The following ANKRD10 variants were observed in gnomAD, a reference collection of about 807,000 sequenced individuals.
ANKRD10 encodes the protein ankyrin repeat domain 10.
In ANKRD10, 14 loss-of-function variants were observed where a neutral mutation model predicts 27.0. That is an observed-to-expected ratio of 0.52 (90% confidence interval 0.34 to 0.81). The LOEUF (loss-of-function observed/expected upper bound fraction) is 0.81. Among genes scored for constraint, ANKRD10 ranks in the 40% least tolerant of loss-of-function variants. The probability of loss-of-function intolerance (pLI) is 0.01; values close to 1 mark genes in which losing one functional copy is unlikely to be tolerated. For synonymous variants in ANKRD10, 250 were observed against 224.5 expected, an observed-to-expected ratio of 1.11 and a Z score of -1.01; for missense variants, 493 against 544.0, an observed-to-expected ratio of 0.91 and a Z score of 0.93.
intron 3 of ANKRD10, among the ~76,000 whole-genome samples, chr13:110,900,259 G>A (rs750922149): frequency 5.3e-5 from 8 of 152,118 alleles, no homozygotes; most frequent in Admixed American, 3.9e-4. Flanking sequence ...GAAAAACCAC[G>A]GATCAGGAAA....
intron 3 of ANKRD10, chr13:110,894,283 A>T: frequency 1.1e-6 from 1 of 883,224 alleles, no homozygotes; most frequent in Non-Finnish European, 1.9e-6. Flanking sequence ...CAGCTTCCAT[A>T]CCTGTTCAGC....
chr13:110,896,089 A>G (rs1367976413), intron 3 of ANKRD10, among the ~76,000 whole-genome samples: 2 of 152,196 alleles, frequency 1.3e-5, no homozygotes, highest in Non-Finnish European at 2.9e-5. Context: ...CTAGCATCTC[A>G]CATAATTTTG....
At chr13:110,908,733 G>C (rs1009805626) in intron 2 of ANKRD10, among the ~76,000 whole-genome samples, 3 of 152,184 alleles carry the variant, frequency 2.0e-5, no homozygotes, top group Admixed American at 6.5e-5. Context: ...CCCATAACAA[G>C]AGGTGTTGAA....
intron 1 of ANKRD10, 37 bp from the exon 2 acceptor site, chr13:110,910,807 A>C: frequency 6.3e-7 from 1 of 1,592,654 alleles, no homozygotes; most frequent in Non-Finnish European, 8.6e-7. Flanking sequence ...ACACGCAGAC[A>C]TGTCAGTACA....
intron 3 of ANKRD10, chr13:110,894,403 C>CAAAAAAAAAAAAAAAAAAAAAA (rs5806877): frequency 1.6e-5 from 1 of 62,682 alleles, no homozygotes; most frequent in African/African-American, 6.2e-5. Context: ...ACTGTTAATG[C>CAAAAAAAAAAAAAAAAAAAAAA]AAAAAAAAAA....
At chr13:110,893,890 T>C (rs192297787) in intron 3 of ANKRD10, among the ~76,000 whole-genome samples, 1 of 152,358 alleles carries the variant, frequency 6.6e-6, no homozygotes, top group African/African-American at 2.4e-5. Flanking sequence ...TTTTTGGCAT[T>C]GTAGAGCATT....
chr13:110,912,297 T>C (rs914937945), intron 1 of ANKRD10, among the ~76,000 whole-genome samples: 7 of 152,250 alleles, frequency 4.6e-5, no homozygotes, highest in African/African-American at 1.7e-4. Context: ...GGTTTCTTTT[T>C]CCATTTCTCT....
chr13:110,900,682 T>C, intron 3 of ANKRD10: 1 of 1,351,522 alleles, frequency 7.4e-7, no homozygotes, highest in Non-Finnish European at 9.8e-7. Flanking sequence ...TCAAGTCAAT[T>C]CGAATTACGT....
intron 3 of ANKRD10, among the ~76,000 whole-genome samples, chr13:110,897,332 C>G (rs1304776095): frequency 1.4e-5 from 2 of 140,022 alleles, no homozygotes; most frequent in African/African-American, 5.4e-5. Context: ...AGATGTTGCT[C>G]AGGCTGGTCT....
In ANKRD10 at chr13:110,879,827, A is replaced by G. The variant is rs138231230; in HGVS notation, c.1073T>C (p.Ile358Thr). 157 of 1,614,132 alleles carry G rather than the reference A, an allele frequency of 9.7e-5. No individual in the cohort carries two copies. The highest frequency in any genetic ancestry group is 1.2e-4 in the Non-Finnish European group (145 of 1,180,054). The change falls in exon 6 of 6, where the codon ATA (isoleucine) becomes ACA (threonine). Residue 358 changes from isoleucine to threonine, a missense_variant. Transcript: ENST00000267339. ...TTCCACCCAGGAAGGCCTACTGGCT[A>G]TGCAGCTACTTGGACTCCCGTTCAG... ...LHLNGSPSSC[I>T]ASRPSWVEDI...
chr13:110,882,630 T>A (rs2064841124), intron 5 of ANKRD10, among the ~76,000 whole-genome samples: 1 of 152,246 alleles, frequency 6.6e-6, no homozygotes, highest in African/African-American at 2.4e-5. Flanking sequence ...AGTTTTGTTA[T>A]GGATCTTTAG....
intron 3 of ANKRD10, among the ~76,000 whole-genome samples, chr13:110,895,798 T>C (rs993555516): frequency 4.6e-5 from 7 of 152,100 alleles, no homozygotes; most frequent in Non-Finnish European, 1.0e-4. Context: ...ATCAACAAAA[T>C]AGTGCCAACA....
chr13:110,915,024 G>C lies in ANKRD10; in HGVS notation c.-90C>G. The stretch of plus-strand genomic sequence containing the variant: ...CCGCCGCCGCAGCACAAAGGAACGA[G>C]ACTAGCGCCGCGGTCGCGTCCCACA... On this transcript the variant is annotated 5_prime_UTR_variant, in exon 1 of 6. Transcript: ENST00000267339. The C allele has an allele frequency of 6.9e-7, 1 of 1,448,202 alleles. No homozygotes were observed. The highest frequency in any genetic ancestry group is 9.0e-7 in the Non-Finnish European group (1 of 1,105,670). The allele number at this position is 1,448,202 out of a possible 1,614,324, so 89.7% of individuals were successfully genotyped here.
At chr13:110,896,706 G>A (rs929721620) in intron 3 of ANKRD10, among the ~76,000 whole-genome samples, 10 of 152,256 alleles carry the variant, frequency 6.6e-5, no homozygotes, top group African/African-American at 2.4e-4. Flanking sequence ...GTTGTAGGCT[G>A]AAAGCAGCCT....
intron 2 of ANKRD10, among the ~76,000 whole-genome samples, chr13:110,908,597 G>C (rs1472210839): frequency 6.6e-6 from 1 of 152,156 alleles, no homozygotes; most frequent in Non-Finnish European, 1.5e-5. Flanking sequence ...GAAAAACCTG[G>C]ATTGGATTTG....
At chr13:110,889,870 G>A (rs2065029455) in intron 4 of ANKRD10, among the ~76,000 whole-genome samples, 1 of 152,122 alleles carries the variant, frequency 6.6e-6, no homozygotes, top group African/African-American at 2.4e-5. Context: ...AACGCACTAA[G>A]TTTTATTGGT....
At chr13:110,896,215 T>C (rs2065222512) in intron 3 of ANKRD10, among the ~76,000 whole-genome samples, 1 of 152,176 alleles carries the variant, frequency 6.6e-6, no homozygotes, top group African/African-American at 2.4e-5. Flanking sequence ...GAGACTGTAA[T>C]TTTGCTCTAC....
intron 1 of ANKRD10, among the ~76,000 whole-genome samples, chr13:110,912,852 A>G (rs1334143797): frequency 6.6e-6 from 1 of 152,190 alleles, no homozygotes; most frequent in African/African-American, 2.4e-5. Flanking sequence ...TTCTTCTCAG[A>G]AGGGAATGTT....
intron 3 of ANKRD10, among the ~76,000 whole-genome samples, chr13:110,905,462 G>C (rs779258533): frequency 6.6e-5 from 10 of 152,194 alleles, no homozygotes; most frequent in Non-Finnish European, 1.3e-4. Context: ...ACCAGTACCA[G>C]AAGCTTACAG....
Sources: gnomAD v4.1 joint callset for allele counts (sites outside exome capture counted in the v4.1 genomes callset) on GRCh38, gnomAD v4.1.1 for gene constraint, MANE v1.5 for transcripts, NCBI Gene and HGNC (gene_info 2026-07-23, HGNC 2026-07-21) for gene names.